The following JUP variants were observed in gnomAD, a reference collection of about 807,000 sequenced individuals.
JUP encodes the protein junction plakoglobin.
A neutral mutation model predicts 71.1 loss-of-function variants in JUP; 28 were observed. The observed-to-expected ratio is 0.39, with a 90% CI of 0.29 to 0.54. The LOEUF is 0.54. JUP is among the 20% of genes least tolerant of loss of function. The pLI is 0.62. For missense variants in JUP, 869 were observed against 1,030.1 expected, an observed-to-expected ratio of 0.84 and a Z score of 2.14; for synonymous variants, 401 against 438.9, an observed-to-expected ratio of 0.91 and a Z score of 1.08.
chr17:41,756,208 T>C lies in JUP; in HGVS notation c.2053A>G (p.Ser685Gly), dbSNP rs2143385240. ...HDPAAWEAAQSMIPINEPYGD... is the reference protein window; with the variant it reads ...HDPAAWEAAQGMIPINEPYGD... ...TAGGGCTCATTGATGGGAATCATGC[T>C]CTGGGCCTGAAAAAGGAGAGAGAAA... Residue 685 changes from serine to glycine, a missense_variant, in exon 13 of 14, where the codon AGC (serine) becomes GGC (glycine). Coordinates refer to ENST00000393931, the MANE Select transcript of JUP (RefSeq NM_002230.4). 6.2e-7 allele frequency: 1 copy of C among 1,613,888 alleles called. No individual in the cohort carries two copies. Among genetic ancestry groups the C allele is most frequent in the Non-Finnish European group, 8.5e-7 (1 of 1,179,930 alleles).
intron 1 of JUP, among the ~76,000 whole-genome samples, chr17:41,781,877 A>G (rs997295134): frequency 2.2e-4 from 34 of 152,188 alleles, no homozygotes; most frequent in African/African-American, 8.2e-4. Flanking sequence ...CAGTAAGTGC[A>G]TCGGGCCTGC....
At chr17:41,761,279 G>A (rs1385568981) in intron 8 of JUP, among the ~76,000 whole-genome samples, 1 of 152,162 alleles carries the variant, frequency 6.6e-6, no homozygotes, top group African/African-American at 2.4e-5. Context: ...CCATCTGGCT[G>A]GTGATCACAC....
intron 1 of JUP, among the ~76,000 whole-genome samples, chr17:41,782,654 A>C (rs2047223275): frequency 6.6e-6 from 1 of 152,112 alleles, no homozygotes; most frequent in Non-Finnish European, 1.5e-5. Context: ...CCGGAAACTA[A>C]AAATCAAGCC....
At chr17:41,768,723 C>T (rs1263096648) in intron 4 of JUP, among the ~76,000 whole-genome samples, 3 of 152,210 alleles carry the variant, frequency 2.0e-5, no homozygotes, top group Admixed American at 6.5e-5. Context: ...TGCCATTAAG[C>T]GATTCCACCT....
chr17:41,755,843 C>A lies in JUP; in HGVS notation c.2139G>T (p.Pro713=), dbSNP rs782165431. The change falls in exon 14 of 14, where the codon CCG becomes CCT. Residue 713 remains proline, a synonymous_variant. Coordinates refer to ENST00000393931, the MANE Select transcript of JUP (RefSeq NM_002230.4). ...CATCCATGTCCATGTGCATCTCCAGCGGGTCAAGGGGCACATCGCTGGAGT... is the reference window on the plus strand; with the variant it reads ...CATCCATGTCCATGTGCATCTCCAGAGGGTCAAGGGGCACATCGCTGGAGT... ...PMYSSDVPLD[P]LEMHMDMDGD... 1.9e-6 allele frequency: 3 copies of A among 1,613,186 alleles called. No individual in the cohort carries two copies. The East Asian group carries it at 6.7e-5, about 36-fold the overall frequency.
intron 1 of JUP, chr17:41,775,879 C>G (rs1029616551): frequency 1.3e-4 from 88 of 685,826 alleles, no homozygotes; most frequent in Non-Finnish European, 1.5e-4. Context: ...TCCTCCTCTG[C>G]GCAGCCAACC....
intron 8 of JUP, among the ~76,000 whole-genome samples, chr17:41,762,141 G>C (rs868977755): frequency 1.0e-5 from 1 of 96,784 alleles, no homozygotes; most frequent in African/African-American, 4.0e-5. Context: ...GAGAGAGAGA[G>C]AGAGAGAGAG....
In JUP at chr17:41,769,607, C is replaced by T. The variant is rs1208581123; in HGVS notation, c.279G>A (p.Val93=). The T allele has an allele frequency of 1.9e-6, 3 of 1,605,380 alleles. No individual in the cohort carries two copies. The South Asian group carries it at 3.4e-5, about 18-fold the overall frequency. The change falls in exon 3 of 14, where the codon GTG becomes GTA. Residue 93 remains valine (V), a synonymous_variant. Coordinates refer to ENST00000393931, the MANE Select transcript of JUP (RefSeq NM_002230.4). ...GCAGAAGCGAGCTGTCCTCGCCTGA[C>T]ACACCAGGGCACATGGCCTCCCGCA... ...KRVREAMCPG[V]SGEDSSLLLA...
chr17:41,758,545 G>A, intron 9 of JUP, 27 bp from the exon 10 acceptor site: 2 of 1,601,312 alleles, frequency 1.2e-6, no homozygotes, highest in Non-Finnish European at 1.7e-6. Flanking sequence ...AGGGGGCATG[G>A]GACAGGTGCC....
chr17:41,780,918 C>T (rs1278965214), intron 1 of JUP, among the ~76,000 whole-genome samples: 3 of 151,980 alleles, frequency 2.0e-5, no homozygotes, highest in Non-Finnish European at 4.4e-5. Flanking sequence ...CAGTGGCTCA[C>T]GCCTGTAATC....
At chr17:41,761,649 TA>T (rs1555601262) in intron 8 of JUP, among the ~76,000 whole-genome samples, 6 of 147,088 alleles carry the variant, frequency 4.1e-5, no homozygotes, top group Non-Finnish European at 7.4e-5. Flanking sequence ...CCGTCTCTAC[TA>T]AAAAATGCAG....
chr17:41,767,423 T>C lies in JUP; in HGVS notation c.865A>G (p.Thr289Ala). 6.2e-7 allele frequency: 1 copy of C among 1,614,094 alleles called. No individual in the cohort carries two copies. The highest frequency in any genetic ancestry group is 8.5e-7 in the Non-Finnish European group (1 of 1,180,018). The change falls in exon 5 of 14, where the codon ACC becomes GCC. Residue 289 changes from threonine (T) to alanine (A), a missense_variant. Coordinates refer to ENST00000393931, the MANE Select transcript of JUP (RefSeq NM_002230.4). Reference sequence around the variant, plus strand: ...TAGGCCAGGAGCTGCAGGCAGTCGGTGGTGATGGCCAGGAACTTGGGGTTG... The same window carrying C: ...TAGGCCAGGAGCTGCAGGCAGTCGGCGGTGATGGCCAGGAACTTGGGGTTG... Reference protein sequence around the residue: ...KNNPKFLAITTDCLQLLAYGN... With the variant: ...KNNPKFLAITADCLQLLAYGN...
intron 1 of JUP, among the ~76,000 whole-genome samples, chr17:41,785,404 G>A (rs1214095864): frequency 6.6e-6 from 1 of 152,160 alleles, no homozygotes; most frequent in Non-Finnish European, 1.5e-5. Context: ...GTGGTCCCAG[G>A]AGGCAGGAAG....
In JUP at chr17:41,769,517, G is replaced by A. The variant is rs781901019; in HGVS notation, c.369C>T (p.Leu123=). 2 of 1,612,440 alleles carry A rather than the reference G, an allele frequency of 1.2e-6. No individual in the cohort carries two copies. Among genetic ancestry groups the A allele is most frequent in the Admixed American group, 3.3e-5 (2 of 59,826 alleles). The change falls in exon 3 of 14, where the codon CTC becomes CTT. Residue 123 remains leucine (L), a synonymous_variant. Transcript: ENST00000393931. ...TGATGAGATGCACAATGGCCGACTTGAGCAGCTGGGACGGCTCGGCCAGTC... is the reference window on the plus strand; with the variant it reads ...TGATGAGATGCACAATGGCCGACTTAAGCAGCTGGGACGGCTCGGCCAGTC... ...LQRLAEPSQL[L]KSAIVHLINY...
chr17:41,775,219 A>T (rs1049980154), intron 1 of JUP, among the ~76,000 whole-genome samples: 38 of 152,164 alleles, frequency 2.5e-4, no homozygotes, highest in African/African-American at 8.7e-4. Flanking sequence ...TCTAGAAATA[A>T]AAAAACAGGA....
chr17:41,755,515 G>A lies in JUP; in HGVS notation c.*229C>T, dbSNP rs1229517200. On this transcript the variant is annotated 3_prime_UTR_variant, in exon 14 of 14. Transcript: ENST00000393931. The stretch of plus-strand genomic sequence containing the variant: ...AAGCTCAAGCCACTCCGTGTCACCT[G>A]CCCACCACCCCCAGAAGGGGCCAGC... 2 of 458,322 alleles carry A rather than the reference G, an allele frequency of 4.4e-6. No homozygotes were observed. The highest frequency in any genetic ancestry group is 2.0e-5 in the African/African-American group (1 of 50,166). The allele number at this position is 458,322 out of a possible 1,614,324, so 28.4% of individuals were successfully genotyped here. A position where few individuals can be genotyped will look rare whatever the true frequency, so the allele number is the denominator to read the frequency against.
At chr17:41,777,382 G>C (rs1390792102) in intron 1 of JUP, among the ~76,000 whole-genome samples, 1 of 152,154 alleles carries the variant, frequency 6.6e-6, no homozygotes, top group South Asian at 2.1e-4. Flanking sequence ...TCCTGCTGAG[G>C]TCTGGCCAGC....
intron 1 of JUP, among the ~76,000 whole-genome samples, chr17:41,774,239 T>C (rs12451988): frequency 7.1e-6 from 1 of 140,522 alleles, no homozygotes; most frequent in East Asian, 2.3e-4. Context: ...CATGGGGGGG[T>C]GGGGGGGTGG....
Position 41,763,912 on chromosome 17 carries a change from G to A in JUP, c.1159-591C>T, listed in dbSNP as rs1159373484. ...ACAGAAAAACCCCAGCTTTGGGGAC[G>A]GACAGTCCTGGGTTCAAATCCCAGT... is the stretch of plus-strand genomic sequence containing the variant. On this transcript the variant is annotated intron_variant, in intron 7 of 13. Coordinates refer to ENST00000393931, the MANE Select transcript of JUP (RefSeq NM_002230.4). 4.6e-5 allele frequency among the ~76,000 whole-genome samples: 7 copies of A among 152,166 alleles called. No homozygotes were observed. The South Asian group carries it at 6.2e-4, about 14-fold the overall frequency.
Sources: gnomAD v4.1 joint callset for allele counts (sites outside exome capture counted in the v4.1 genomes callset) on GRCh38, gnomAD v4.1.1 for gene constraint, MANE v1.5 for transcripts, NCBI Gene and HGNC (gene_info 2026-07-23, HGNC 2026-07-21) for gene names.